The following PRKCQ variants were observed in gnomAD, a reference collection of about 807,000 sequenced individuals.
PRKCQ encodes the protein protein kinase C theta type.
A neutral mutation model predicts 91.2 loss-of-function variants in PRKCQ; 41 were observed. That is an observed-to-expected ratio of 0.45 (90% CI 0.35 to 0.58). The LOEUF is 0.58. Ranked by LOEUF, PRKCQ falls within the 20% of genes least tolerant of loss-of-function variation. The probability of loss-of-function intolerance (pLI) is 0.00; values close to 1 mark genes in which losing one functional copy is unlikely to be tolerated. For missense variants in PRKCQ, 673 were observed against 896.5 expected (o/e 0.75, Z 3.18); for synonymous variants, 307 against 316.9 (o/e 0.97, Z 0.33).
intron 1 of PRKCQ, chr10:6,515,617 G>A (rs1308122819): frequency 8.4e-6 from 6 of 712,320 alleles, no homozygotes; most frequent in South Asian, 6.4e-5. Flanking sequence ...GTGTGTAATG[G>A]GATTGGCCCA....
intron 1 of PRKCQ, among the ~76,000 whole-genome samples, chr10:6,516,500 G>A (rs1391312781): frequency 6.6e-6 from 1 of 152,168 alleles, no homozygotes; most frequent in Non-Finnish European, 1.5e-5. Context: ...AGAATTCCCA[G>A]GCAGGAGCGG....
At chr10:6,421,838 T>C in the PRKCQ span, among the ~76,000 whole-genome samples, 1 of 152,242 alleles carries the variant, frequency 6.6e-6, no homozygotes, top group South Asian at 2.1e-4. This position sits in a 1 kb window ranked among gnomAD's most constrained non-coding sequence, Gnocchi z 4.1. Context: ...TGTGTGCTCA[T>C]CTAACCGTGC....
chr10:6,418,479 C>T, the PRKCQ span, among the ~76,000 whole-genome samples: 1 of 147,684 alleles, frequency 6.8e-6, no homozygotes, highest in Non-Finnish European at 1.5e-5. Context: ...CTTTCTCCCC[C>T]TCTCATGTGT....
chr10:6,447,939 T>G (rs1410739291), intron 15 of PRKCQ, among the ~76,000 whole-genome samples: 1 of 152,098 alleles, frequency 6.6e-6, no homozygotes, highest in Non-Finnish European at 1.5e-5. Flanking sequence ...CCAGTTTTGT[T>G]TGGTTTTTGA....
chr10:6,447,101 T>C (rs1019298403), intron 15 of PRKCQ, among the ~76,000 whole-genome samples: 4 of 152,142 alleles, frequency 2.6e-5, no homozygotes, highest in African/African-American at 9.7e-5. Flanking sequence ...GAGTGTCTAG[T>C]GTGCCATAGA....
chr10:6,509,995 TA>T (rs745667802), intron 3 of PRKCQ, among the ~76,000 whole-genome samples: 88 of 152,280 alleles, frequency 5.8e-4, no homozygotes, highest in Non-Finnish European at 1.0e-3. Flanking sequence ...GAGGATTTCT[TA>T]AAATCTGAGT....
downstream of PRKCQ, among the ~76,000 whole-genome samples, chr10:6,422,300 T>C (rs1833025918): frequency 6.6e-6 from 1 of 152,216 alleles, no homozygotes; most frequent in African/African-American, 2.4e-5. Context: ...TTTTATTTTA[T>C]TTTTTGTCTT....
intron 1 of PRKCQ, among the ~76,000 whole-genome samples, chr10:6,527,774 G>A (rs757046655): frequency 2.0e-5 from 3 of 152,128 alleles, no homozygotes; most frequent in East Asian, 1.9e-4. Context: ...CACTGCTTAC[G>A]AGGAAATTCC....
the PRKCQ span, among the ~76,000 whole-genome samples, chr10:6,401,753 C>T: frequency 6.6e-6 from 1 of 152,082 alleles, no homozygotes; most frequent in Non-Finnish European, 1.5e-5. Flanking sequence ...GACTTCCACC[C>T]GATAATTCTA....
intron 15 of PRKCQ, among the ~76,000 whole-genome samples, chr10:6,454,509 G>T (rs942189075): frequency 6.6e-6 from 1 of 152,120 alleles, no homozygotes; most frequent in Non-Finnish European, 1.5e-5. Flanking sequence ...ATTATAGAAG[G>T]TGTTGGTGTT....
At chr10:6,463,899 C>G (rs1835492012) in intron 13 of PRKCQ, among the ~76,000 whole-genome samples, 1 of 152,166 alleles carries the variant, frequency 6.6e-6, no homozygotes, top group Admixed American at 6.5e-5. Flanking sequence ...CTCAGATGGA[C>G]TAAGTGCCTC....
intron 14 of PRKCQ, among the ~76,000 whole-genome samples, chr10:6,457,964 G>C (rs1306047239): frequency 1.3e-5 from 2 of 149,366 alleles, no homozygotes; most frequent in African/African-American, 4.9e-5. Context: ...TTTTTCCCCT[G>C]AGACGAGGTC....
intron 1 of PRKCQ, among the ~76,000 whole-genome samples, chr10:6,533,800 T>C (rs989243036): frequency 3.3e-5 from 5 of 152,194 alleles, no homozygotes; most frequent in Admixed American, 3.3e-4. Flanking sequence ...GATTGCTTAA[T>C]GAATGAGACT....
At chr10:6,402,254 T>G in the PRKCQ span, among the ~76,000 whole-genome samples, 2 of 150,840 alleles carry the variant, frequency 1.3e-5, no homozygotes, top group African/African-American at 2.4e-5. Flanking sequence ...TGTTGATGGG[T>G]GCAGGAGACC....
intron 14 of PRKCQ, among the ~76,000 whole-genome samples, chr10:6,458,083 C>T (rs1238712377): frequency 6.6e-6 from 1 of 152,126 alleles, no homozygotes; most frequent in Non-Finnish European, 1.5e-5. Context: ...ACATGTGTGC[C>T]ATCGCCATGC....
intron 7 of PRKCQ, among the ~76,000 whole-genome samples, chr10:6,496,719 G>A (rs985119349): frequency 6.6e-6 from 1 of 151,162 alleles, no homozygotes; most frequent in East Asian, 1.9e-4. Flanking sequence ...CTGTTGCCCA[G>A]ACTGGAGTGC....
intron 15 of PRKCQ, among the ~76,000 whole-genome samples, chr10:6,448,044 C>T (rs771263617): frequency 2.4e-4 from 37 of 152,232 alleles, no homozygotes; most frequent in Non-Finnish European, 4.7e-4. Flanking sequence ...TGGGATTTTT[C>T]CAGGTGGAGT....
At chr10:6,476,874 T>C (rs980526377) in intron 12 of PRKCQ, among the ~76,000 whole-genome samples, 1 of 152,086 alleles carries the variant, frequency 6.6e-6, no homozygotes, top group Non-Finnish European at 1.5e-5. Flanking sequence ...GCAGGTGACA[T>C]ACCTTCACCC....
intron 9 of PRKCQ, 101 bp downstream of exon 9, chr10:6,485,934 C>A: frequency 3.0e-6 from 3 of 1,015,568 alleles, no homozygotes; most frequent in East Asian, 2.4e-5. Context: ...AAATACATCC[C>A]GGCATTTCCC....
Sources: allele counts gnomAD v4.1 joint callset (sites outside exome capture counted in the v4.1 genomes callset), GRCh38; gene constraint gnomAD v4.1.1; non-coding constraint Gnocchi (gnomAD v3.1); transcripts MANE v1.5; gene names NCBI Gene and HGNC (gene_info 2026-07-23, HGNC 2026-07-21).